The following PHACTR3 variants were observed in gnomAD, a reference collection of about 807,000 sequenced individuals.
PHACTR3 encodes the protein phosphatase and actin regulator 3, also known as protein phosphatase 1, regulatory subunit 123.
Under a neutral mutation model 66.8 loss-of-function variants are expected in PHACTR3, and 16 were observed. That is an observed-to-expected ratio of 0.24 (90% CI 0.16 to 0.36). PHACTR3 has a LOEUF of 0.36. Among genes scored for constraint, PHACTR3 ranks in the 10% least tolerant of loss-of-function variants. The probability of loss-of-function intolerance (pLI) is 1.00; values close to 1 mark genes in which losing one functional copy is unlikely to be tolerated. For synonymous variants in PHACTR3, 323 were observed against 292.1 expected (o/e 1.11, Z -1.08); for missense variants, 647 against 719.9 (o/e 0.90, Z 1.16).
At chr20:59,708,118 T>A (rs2037778412) in intron 1 of PHACTR3, among the ~76,000 whole-genome samples, 1 of 152,188 alleles carries the variant, frequency 6.6e-6, no homozygotes, top group South Asian at 2.1e-4. Flanking sequence ...TGGCCAGGCC[T>A]ACCTCTGTCT....
At position 59,847,202 on chromosome 20, in the gene PHACTR3, C is replaced by T. The variant is rs148961432; in HGVS notation, c.*72C>T. The T allele has an allele frequency of 2.5e-6, 3 of 1,200,968 alleles. No individual in the cohort carries two copies. Among genetic ancestry groups the T allele is most frequent in the Non-Finnish European group, 3.6e-6 (3 of 823,022 alleles). 74.4% of individuals were successfully genotyped at this position (1,200,968 alleles called of 1,614,324 possible). A position where few individuals can be genotyped will look rare whatever the true frequency, so the allele number is the denominator to read the frequency against. ...ACTGAACATTCATCAGGGAACTTTC[C>T]TGAAGTTCAGCTCAAGACTACCCTA... On this transcript the variant is annotated 3_prime_UTR_variant, in exon 13 of 13. Transcript: ENST00000371015.
At chr20:59,631,351 G>C (rs1043195599) in intron 1 of PHACTR3, among the ~76,000 whole-genome samples, 1 of 152,192 alleles carries the variant, frequency 6.6e-6, no homozygotes, top group African/African-American at 2.4e-5. Flanking sequence ...GGGGGATGCT[G>C]CTCCTCAGAT....
intron 1 of PHACTR3, among the ~76,000 whole-genome samples, chr20:59,671,975 C>T (rs1389725968): frequency 6.6e-6 from 1 of 152,230 alleles, no homozygotes; most frequent in African/African-American, 2.4e-5. Context: ...AGGGATCCTC[C>T]TTTATTCTGA....
At chr20:59,598,903 C>A (rs1345726964) in intron 1 of PHACTR3, among the ~76,000 whole-genome samples, 3 of 152,188 alleles carry the variant, frequency 2.0e-5, no homozygotes, top group Non-Finnish European at 4.4e-5. Context: ...TTCCTTGGGT[C>A]CTGGAACTCC....
rs80328861 is a variant in PHACTR3, at chr20:59,615,472, C to T, written c.118+10340C>T. Among the ~76,000 whole-genome samples, 621 of 152,330 alleles carry T rather than the reference C, an allele frequency of 4.1e-3. 4 individuals carry two copies. Among genetic ancestry groups the T allele is most frequent in the African/African-American group, 0.014 (587 of 41,580 alleles). ...CATAACATTTTGACAAGTAAAATGA[C>T]AGGGCACATATGTAATAAGTGCCAG... On this transcript the variant is annotated intron_variant, in intron 1 of 12. Coordinates refer to ENST00000371015, the MANE Select transcript of PHACTR3 (RefSeq NM_080672.5).
intron 3 of PHACTR3, among the ~76,000 whole-genome samples, chr20:59,748,577 CT>C (rs1246806450): frequency 1.3e-5 from 2 of 152,174 alleles, no homozygotes; most frequent in African/African-American, 4.8e-5. Context: ...AAGTCTTTCT[CT>C]TTGTGATGGA....
chr20:59,700,390 T>A (rs917194049), intron 1 of PHACTR3, among the ~76,000 whole-genome samples: 1 of 152,240 alleles, frequency 6.6e-6, no homozygotes, highest in African/African-American at 2.4e-5. Flanking sequence ...TTGTAACATA[T>A]GTTCTGATGA....
At chr20:59,639,578 G>C (rs1425259270) in intron 1 of PHACTR3, among the ~76,000 whole-genome samples, 2 of 152,176 alleles carry the variant, frequency 1.3e-5, no homozygotes, top group Admixed American at 1.3e-4. Context: ...ACTTTGAGGA[G>C]TGTTTTGGGA....
rs1361576327 is a variant in PHACTR3 at position 59,738,860 on chromosome 20, T to C, written c.119-4247T>C. Among the ~76,000 whole-genome samples the C allele has an allele frequency of 2.0e-5, 3 of 152,158 alleles. No homozygotes were observed. The highest frequency in any genetic ancestry group is 7.2e-5 in the African/African-American group (3 of 41,448). The stretch of plus-strand genomic sequence containing the variant: ...TCCCTGGAGATCTTCGTCTTCATCT[T>C]CAGCTGAGCTTGGAGGCTTGGGGAG... On this transcript the variant is annotated intron_variant, in intron 1 of 12. Coordinates refer to ENST00000371015, the MANE Select transcript of PHACTR3 (RefSeq NM_080672.5). The surrounding 1 kb of genome is among the most constrained non-coding windows in gnomAD (Gnocchi z 4.4).
chr20:59,822,624 T>G (rs987646643), intron 8 of PHACTR3, among the ~76,000 whole-genome samples: 10 of 152,038 alleles, frequency 6.6e-5, no homozygotes, highest in Non-Finnish European at 1.5e-4. Flanking sequence ...AATGGTGTGG[T>G]CTGCAGATGA....
In PHACTR3 at chr20:59,823,069, G is replaced by C. The variant is rs868075433; in HGVS notation, c.1329-13436G>C. Among the ~76,000 whole-genome samples, 9 of 152,354 alleles carry C rather than the reference G, an allele frequency of 5.9e-5. 1 individual carries two copies. The highest frequency in any genetic ancestry group is 2.2e-4 in the African/African-American group (9 of 41,582). On this transcript the variant is annotated intron_variant, in intron 8 of 12. Coordinates refer to ENST00000371015, the MANE Select transcript of PHACTR3 (RefSeq NM_080672.5). ...CTGGTACCTGGCAGGTGCTCCATTG[G>C]TGCCTGTGGAATGGACCCCAAAGGA...
At chr20:59,676,824 C>A in intron 1 of PHACTR3, 1 of 803,574 alleles carries the variant, frequency 1.2e-6, no homozygotes, top group Non-Finnish European at 1.5e-6. Flanking sequence ...GCTTAGGGAG[C>A]AGGCTTCTTA....
chr20:59,631,969 G>A (rs2034681130), intron 1 of PHACTR3, among the ~76,000 whole-genome samples: 1 of 152,178 alleles, frequency 6.6e-6, no homozygotes, highest in Non-Finnish European at 1.5e-5. Context: ...CCAGGAGAGA[G>A]GTTGCCAGGG....
chr20:59,825,541 G>A (rs2042165505), intron 8 of PHACTR3, among the ~76,000 whole-genome samples: 4 of 152,174 alleles, frequency 2.6e-5, no homozygotes. Context: ...TACTGATGCA[G>A]TTCTTACCAT....
chr20:59,668,269 G>C (rs1057418358), intron 1 of PHACTR3, among the ~76,000 whole-genome samples: 1 of 152,004 alleles, frequency 6.6e-6, no homozygotes, highest in East Asian at 1.9e-4. Flanking sequence ...TGGGGTTAGA[G>C]GTGGGCACGT....
At chr20:59,601,795 C>T (rs2033486104), upstream of PHACTR3, among the ~76,000 whole-genome samples, 1 of 152,200 alleles carries the variant, frequency 6.6e-6, no homozygotes, top group Non-Finnish European at 1.5e-5. Context: ...CTCTACCTAC[C>T]TTTAACAAAC....
At chr20:59,821,749 A>G (rs1044839019) in intron 8 of PHACTR3, among the ~76,000 whole-genome samples, 1 of 152,124 alleles carries the variant, frequency 6.6e-6, no homozygotes, top group African/African-American at 2.4e-5. Context: ...TTTCTAAGTG[A>G]TTTCTGGAGC....
intron 1 of PHACTR3, among the ~76,000 whole-genome samples, chr20:59,621,981 A>G (rs2034256746): frequency 6.6e-6 from 1 of 152,220 alleles, no homozygotes; most frequent in Admixed American, 6.5e-5. Flanking sequence ...TTTAGGCAAT[A>G]ACCTTCACTA....
intron 1 of PHACTR3, among the ~76,000 whole-genome samples, chr20:59,631,450 AG>A (rs1338814377): frequency 2.8e-4 from 42 of 152,060 alleles, no homozygotes; most frequent in Admixed American, 2.8e-3. Flanking sequence ...GTTTGTTTGC[AG>A]TGACAGTTTT....
Sources: allele counts gnomAD v4.1 joint callset (sites outside exome capture counted in the v4.1 genomes callset), GRCh38; gene constraint gnomAD v4.1.1; non-coding constraint Gnocchi (gnomAD v3.1); transcripts MANE v1.5; gene names NCBI Gene and HGNC (gene_info 2026-07-23, HGNC 2026-07-21).